CRACD: variants seen among roughly 807,000 people sequenced by gnomAD.
The protein encoded by CRACD is capping protein-inhibiting regulator of actin dynamics.
A neutral mutation model predicts 106.8 loss-of-function variants in CRACD; 56 were observed. That is an observed-to-expected ratio of 0.52 (90% CI 0.42 to 0.66). CRACD has a LOEUF of 0.66. Ranked by LOEUF, CRACD falls within the 30% of genes least tolerant of loss-of-function variation. The pLI is 0.00. For missense variants in CRACD, 1,730 were observed against 1,623.2 expected, an observed-to-expected ratio of 1.07 and a Z score of -1.13; for synonymous variants, 754 against 670.8, an observed-to-expected ratio of 1.12 and a Z score of -1.92.
intron 2 of CRACD, among the ~76,000 whole-genome samples, chr4:56,214,229 G>A (rs547340166): frequency 2.0e-5 from 3 of 152,048 alleles, no homozygotes; most frequent in Non-Finnish European, 4.4e-5. Context: ...ATAATGAAAG[G>A]GGTGAGAGGG....
chr4:56,100,257 G>T (rs1404335742), intron 1 of CRACD, among the ~76,000 whole-genome samples: 1 of 152,064 alleles, frequency 6.6e-6, no homozygotes, highest in Non-Finnish European at 1.5e-5. Flanking sequence ...GGACGGGGGG[G>T]AAGGGGTGGA....
chr4:56,266,494 GTAAAAGTC>G (rs1356982464), intron 2 of CRACD, among the ~76,000 whole-genome samples: 2 of 152,182 alleles, frequency 1.3e-5, no homozygotes, highest in Non-Finnish European at 2.9e-5. Context: ...ATTTTGTGTT[GTAAAAGTC>G]TAAAATGCCA....
chr4:56,238,653 C>G (rs1740154005), intron 2 of CRACD, among the ~76,000 whole-genome samples: 1 of 152,172 alleles, frequency 6.6e-6, no homozygotes, highest in Non-Finnish European at 1.5e-5. Flanking sequence ...TACATATTGC[C>G]AAATAGCCAC....
At chr4:56,081,827 T>G (rs1733042197) in intron 1 of CRACD, among the ~76,000 whole-genome samples, 1 of 151,942 alleles carries the variant, frequency 6.6e-6, no homozygotes, top group African/African-American at 2.4e-5. Context: ...AATACAAAAA[T>G]TAGCCAGATG....
chr4:56,117,121 C>T (rs543056748), intron 1 of CRACD, among the ~76,000 whole-genome samples: 50 of 150,530 alleles, frequency 3.3e-4, no homozygotes, highest in Non-Finnish European at 5.8e-4. Context: ...CCTGGGTTCA[C>T]GCCATTCTCC....
intron 2 of CRACD, among the ~76,000 whole-genome samples, chr4:56,262,142 C>A (rs1741744503): frequency 1.3e-5 from 2 of 152,088 alleles, no homozygotes; most frequent in Admixed American, 6.6e-5. Context: ...TGAAAAAGTC[C>A]TGAAAAAATT....
intron 1 of CRACD, among the ~76,000 whole-genome samples, chr4:56,149,037 A>G (rs1177958081): frequency 6.6e-6 from 1 of 152,028 alleles, no homozygotes; most frequent in Non-Finnish European, 1.5e-5. Flanking sequence ...GCTGGTCTTG[A>G]ACTCCTGACC....
intron 2 of CRACD, among the ~76,000 whole-genome samples, chr4:56,244,920 C>T (rs1740598800): frequency 6.6e-6 from 1 of 152,238 alleles, no homozygotes; most frequent in Admixed American, 6.5e-5. Flanking sequence ...TAATTGATAT[C>T]TCTCCTAAGT....
At chr4:56,169,287 T>C (rs1344760156) in intron 1 of CRACD, among the ~76,000 whole-genome samples, 3 of 152,070 alleles carry the variant, frequency 2.0e-5, no homozygotes, top group Admixed American at 1.3e-4. Flanking sequence ...GGCCATATGG[T>C]TACAGTTTTG....
At chr4:56,211,648 G>C (rs1352932348) in intron 2 of CRACD, among the ~76,000 whole-genome samples, 1 of 152,232 alleles carries the variant, frequency 6.6e-6, no homozygotes, top group Admixed American at 6.5e-5. Flanking sequence ...TTCTCCCCCA[G>C]TGCAGCTGAG....
intron 1 of CRACD, among the ~76,000 whole-genome samples, chr4:56,117,181 T>C (rs933229677): frequency 3.3e-5 from 5 of 151,930 alleles, no homozygotes; most frequent in Non-Finnish European, 5.9e-5. Flanking sequence ...CCACCACGCC[T>C]GGCTAATTTT....
chr4:56,109,611 A>G (rs761789490), intron 1 of CRACD, among the ~76,000 whole-genome samples: 1 of 152,246 alleles, frequency 6.6e-6, no homozygotes, highest in Non-Finnish European at 1.5e-5. Flanking sequence ...ATGGTTATAT[A>G]GGTTAATATT....
chr4:56,242,056 A>G (rs1444603521), intron 2 of CRACD, among the ~76,000 whole-genome samples: 2 of 152,238 alleles, frequency 1.3e-5, no homozygotes, highest in African/African-American at 4.8e-5. Context: ...CAAAGTAAGA[A>G]GCCTGAAACT....
At chr4:56,308,624 C>T (rs189185327) in intron 5 of CRACD, among the ~76,000 whole-genome samples, 3 of 152,222 alleles carry the variant, frequency 2.0e-5, no homozygotes, top group African/African-American at 4.8e-5. Context: ...GTGAGAAAGA[C>T]GAGTGATTTG....
intron 1 of CRACD, among the ~76,000 whole-genome samples, chr4:56,174,428 C>T (rs551647596): frequency 3.9e-5 from 6 of 152,284 alleles, no homozygotes; most frequent in Middle Eastern, 3.4e-3. Flanking sequence ...ATCAACTCCT[C>T]GTCATCCCCC....
intron 1 of CRACD, among the ~76,000 whole-genome samples, chr4:56,153,039 G>A (rs1447811376): frequency 6.6e-6 from 1 of 152,198 alleles, no homozygotes; most frequent in East Asian, 1.9e-4. Flanking sequence ...AGCACTTTGG[G>A]AGGCTGAGGT....
intron 2 of CRACD, among the ~76,000 whole-genome samples, chr4:56,271,859 CTCAGCT>C (rs539404818): frequency 6.6e-6 from 1 of 152,306 alleles, no homozygotes; most frequent in South Asian, 2.1e-4. Context: ...ATCCTCCAGC[CTCAGCT>C]TCCTAAGTAG....
At chr4:56,194,280 T>C (rs1206474735) in intron 2 of CRACD, among the ~76,000 whole-genome samples, 1 of 152,084 alleles carries the variant, frequency 6.6e-6, no homozygotes. Flanking sequence ...CACAGCAATA[T>C]GACAGTGGTA....
chr4:56,255,705 C>T (rs1480630812), intron 2 of CRACD, among the ~76,000 whole-genome samples: 3 of 152,156 alleles, frequency 2.0e-5, no homozygotes, highest in African/African-American at 7.2e-5. Flanking sequence ...GGCTGTGAGG[C>T]ATGTTGAGAT....
Sources: allele counts gnomAD v4.1 joint callset (sites outside exome capture counted in the v4.1 genomes callset), GRCh38; gene constraint gnomAD v4.1.1; transcripts MANE v1.5; gene names NCBI Gene and HGNC (gene_info 2026-07-23, HGNC 2026-07-21).